ANKS1B: variants seen among roughly 807,000 people sequenced by gnomAD.
ANKS1B encodes ankyrin repeat and sterile alpha motif domain-containing protein 1B.
In ANKS1B, 36 loss-of-function variants were observed where a neutral mutation model predicts 148.3. That is an observed-to-expected ratio of 0.24 (90% CI 0.19 to 0.32). The LOEUF (loss-of-function observed/expected upper bound fraction) is 0.32. ANKS1B is among the 10% of genes least tolerant of loss of function. ANKS1B has a pLI of 1.00. For missense variants in ANKS1B, 1,157 were observed against 1,542.6 expected (o/e 0.75, Z 4.19); for synonymous variants, 542 against 560.8 (o/e 0.97, Z 0.47).
intron 17 of ANKS1B, among the ~76,000 whole-genome samples, chr12:99,031,109 G>C (rs73386545): frequency 0.037 from 5,629 of 152,186 alleles, 355 homozygotes; most frequent in African/African-American, 0.13. Context: ...TGCTACTAAC[G>C]TAAAATGCCT....
intron 1 of ANKS1B, among the ~76,000 whole-genome samples, chr12:99,946,872 T>C (rs1203155689): frequency 6.6e-6 from 1 of 152,076 alleles, no homozygotes; most frequent in Non-Finnish European, 1.5e-5. Flanking sequence ...TGCAAACACA[T>C]ATTGCAACAA....
At chr12:99,856,578 A>G (rs1037308427) in intron 1 of ANKS1B, among the ~76,000 whole-genome samples, 1 of 152,116 alleles carries the variant, frequency 6.6e-6, no homozygotes, top group African/African-American at 2.4e-5. Flanking sequence ...AGGAAGTAAC[A>G]AAAAAAGAAA....
intron 9 of ANKS1B, among the ~76,000 whole-genome samples, chr12:99,505,893 T>C (rs1185011257): frequency 2.0e-5 from 3 of 152,208 alleles, no homozygotes; most frequent in African/African-American, 4.8e-5. Context: ...TAGCTTAGCC[T>C]AGCCTACCTT....
At chr12:99,622,086 T>C (rs2153376282) in intron 9 of ANKS1B, among the ~76,000 whole-genome samples, 1 of 152,102 alleles carries the variant, frequency 6.6e-6, no homozygotes, top group East Asian at 1.9e-4. Context: ...AAATAAAAAT[T>C]ATTATAATGA....
chr12:98,927,507 G>A (rs1421177612), intron 17 of ANKS1B, among the ~76,000 whole-genome samples: 1 of 151,960 alleles, frequency 6.6e-6, no homozygotes, highest in Non-Finnish European at 1.5e-5. Context: ...CGAATGCAAA[G>A]CAATGATGAC....
intron 17 of ANKS1B, among the ~76,000 whole-genome samples, chr12:98,896,613 A>G (rs1462796353): frequency 6.6e-6 from 1 of 152,238 alleles, no homozygotes; most frequent in Non-Finnish European, 1.5e-5. Flanking sequence ...CAGGGCCAGG[A>G]CATAAGCTCA....
intron 12 of ANKS1B, among the ~76,000 whole-genome samples, chr12:99,269,035 C>A (rs979577872): frequency 6.6e-6 from 1 of 152,274 alleles, no homozygotes; most frequent in East Asian, 1.9e-4. Context: ...TACAAATACA[C>A]ACAGCACAAT....
chr12:99,362,741 A>G, intron 12 of ANKS1B, among the ~76,000 whole-genome samples: 1 of 152,056 alleles, frequency 6.6e-6, no homozygotes, highest in East Asian at 1.9e-4. Flanking sequence ...TTATAGTCCC[A>G]TATCTTAATA....
At chr12:99,280,870 GTCTC>G (rs543317899) in intron 12 of ANKS1B, among the ~76,000 whole-genome samples, 4,362 of 145,452 alleles carry the variant, frequency 0.03, 71 homozygotes, top group Middle Eastern at 0.087. Flanking sequence ...CTCTCTGTCT[GTCTC>G]TCTCTCTCTC....
intron 1 of ANKS1B, among the ~76,000 whole-genome samples, chr12:99,907,463 G>A (rs574140628): frequency 5.9e-5 from 9 of 152,172 alleles, no homozygotes; most frequent in Non-Finnish European, 1.3e-4. Context: ...CCCTATGGTG[G>A]AGTTTTCAAC....
downstream of ANKS1B, among the ~76,000 whole-genome samples, chr12:98,743,020 T>G (rs3847877): frequency 1.3e-3 from 199 of 152,376 alleles, 3 homozygotes; most frequent in South Asian, 0.025. Flanking sequence ...AAAAAAAGTC[T>G]TCTTCCTACG....
At chr12:98,736,391 G>A (rs1456798340) in intron 9 of ANKS1B, among the ~76,000 whole-genome samples, 1 of 152,186 alleles carries the variant, frequency 6.6e-6, no homozygotes, top group African/African-American at 2.4e-5. Context: ...AGAAAAGAAT[G>A]ATGCAAGGTT....
At chr12:98,780,105 T>C (rs906359697) in intron 24 of ANKS1B, among the ~76,000 whole-genome samples, 6 of 152,208 alleles carry the variant, frequency 3.9e-5, no homozygotes, top group African/African-American at 1.4e-4. Context: ...GACTTTTCCC[T>C]GGAACCTAAA....
chr12:99,340,559 A>G (rs1025173143), intron 12 of ANKS1B, among the ~76,000 whole-genome samples: 3 of 151,788 alleles, frequency 2.0e-5, no homozygotes, highest in African/African-American at 7.2e-5. Context: ...ATATTTTCTT[A>G]TGGAAAACCA....
In ANKS1B at chr12:99,051,602, ACT is replaced by A. The variant is rs1289988748; in HGVS notation, c.2778+1553_2778+1554del. Among the ~76,000 whole-genome samples the A allele has an allele frequency of 2.0e-5, 3 of 152,200 alleles. No homozygotes were observed. In the East Asian group the frequency reaches 5.8e-4, roughly 29 times the overall value. On this transcript the variant is annotated intron_variant, in intron 17 of 26. Transcript: ENST00000683438. ...TAGCCTGCTGCGACCAAAAAGCAAT[ACT>A]GTTTCAGTTAGTTCCGTTGCCACAC...
intron 10 of ANKS1B, among the ~76,000 whole-genome samples, chr12:99,497,890 A>G (rs895658481): frequency 6.6e-6 from 1 of 151,960 alleles, no homozygotes; most frequent in East Asian, 1.9e-4. Context: ...GGAAATCTTC[A>G]TGCAGTTCTT....
intron 16 of ANKS1B, among the ~76,000 whole-genome samples, chr12:99,081,132 G>A (rs1241468141): frequency 6.6e-6 from 1 of 152,116 alleles, no homozygotes; most frequent in Non-Finnish European, 1.5e-5. Context: ...TATTAAAAAA[G>A]ACATATTAAA....
At chr12:99,532,566 T>TACTATGAATGAATG (rs2097010766) in intron 9 of ANKS1B, among the ~76,000 whole-genome samples, 2 of 152,186 alleles carry the variant, frequency 1.3e-5, no homozygotes, top group African/African-American at 4.8e-5. Flanking sequence ...TTCATCGTGT[T>TACTATGAATGAATG]AGCCAGGATG....
chr12:99,890,666 T>C (rs558426242), intron 1 of ANKS1B, among the ~76,000 whole-genome samples: 1 of 151,184 alleles, frequency 6.6e-6, no homozygotes, highest in African/African-American at 2.4e-5. Flanking sequence ...TAATGCTAGA[T>C]ACCATTATTT....
Sources: gnomAD v4.1 joint callset for allele counts (sites outside exome capture counted in the v4.1 genomes callset) on GRCh38, gnomAD v4.1.1 for gene constraint, MANE v1.5 for transcripts, NCBI Gene and HGNC (gene_info 2026-07-23, HGNC 2026-07-21) for gene names.